SPOCK3: variants seen among roughly 807,000 people sequenced by gnomAD.
The protein encoded by SPOCK3 is SPARC (osteonectin), cwcv and kazal like domains proteoglycan 3, also known as testican-3.
SPOCK3 carries 30 observed loss-of-function variants against 56.6 expected under a neutral mutation model. The ratio of observed to expected loss-of-function variants is 0.53; its 90% CI spans 0.40 to 0.72. The LOEUF (loss-of-function observed/expected upper bound fraction) is 0.72, where lower values mean the gene tolerates loss of function less well. Among genes scored for constraint, SPOCK3 ranks in the 30% least tolerant of loss-of-function variants. SPOCK3 has a pLI of 0.00. For synonymous variants in SPOCK3, 196 were observed against 183.3 expected (o/e 1.07, Z -0.56); for missense variants, 527 against 530.0 (o/e 0.99, Z 0.06).
intron 6 of SPOCK3, among the ~76,000 whole-genome samples, chr4:166,859,878 A>C (rs2126903087): frequency 6.6e-6 from 1 of 152,268 alleles, no homozygotes; most frequent in East Asian, 1.9e-4. Context: ...ACAACAGCAG[A>C]AGTATCCTAT....
chr4:166,965,985 T>C (rs1454410546), intron 4 of SPOCK3, among the ~76,000 whole-genome samples: 1 of 152,104 alleles, frequency 6.6e-6, no homozygotes, highest in Non-Finnish European at 1.5e-5. Flanking sequence ...AAAAATCCTC[T>C]GTGCTCCACC....
intron 6 of SPOCK3, among the ~76,000 whole-genome samples, chr4:166,869,728 C>T (rs1012320851): frequency 2.6e-5 from 4 of 151,520 alleles, no homozygotes; most frequent in African/African-American, 9.7e-5. Context: ...CCTGAAGAAA[C>T]TGGAAAACAC....
rs151173212 is a variant in SPOCK3, at chr4:166,842,098, G to A, written c.589+47032C>T. Among the ~76,000 whole-genome samples, 209 of 152,284 alleles carry A rather than the reference G, an allele frequency of 1.4e-3. 4 individuals are homozygous for A. Among genetic ancestry groups the A allele is most frequent in the Admixed American group, 0.012 (187 of 15,302 alleles). The stretch of plus-strand genomic sequence containing the variant: ...TCCGGGTGGGTTTGTGGTCTCCCTG[G>A]CCTTAGGAGTGAAGCTGCAGACCTT... On this transcript the variant is annotated intron_variant, in intron 6 of 10. Coordinates refer to ENST00000357545, the MANE Select transcript of SPOCK3 (RefSeq NM_001040159.2).
chr4:167,230,645 T>C (rs1262627776), intron 2 of SPOCK3, among the ~76,000 whole-genome samples: 1 of 152,112 alleles, frequency 6.6e-6, no homozygotes, highest in African/African-American at 2.4e-5. Context: ...ACTGTACTTA[T>C]GTTTAAATGT....
chr4:166,769,989 T>A (rs571061446), intron 7 of SPOCK3, among the ~76,000 whole-genome samples: 1 of 152,170 alleles, frequency 6.6e-6, no homozygotes, highest in African/African-American at 2.4e-5. Context: ...CTCCGAGCCA[T>A]GCACGGGATA....
chr4:167,197,497 G>C (rs540799756), intron 2 of SPOCK3, among the ~76,000 whole-genome samples: 2 of 152,170 alleles, frequency 1.3e-5, no homozygotes, highest in South Asian at 4.1e-4. Context: ...GGAAATTTAA[G>C]TGTGAGAAAT....
intron 4 of SPOCK3, among the ~76,000 whole-genome samples, chr4:166,941,898 T>C (rs760889452): frequency 1.3e-5 from 2 of 152,110 alleles, no homozygotes; most frequent in South Asian, 4.1e-4. Context: ...TAGCCAAAGC[T>C]TGAAGACAAC....
intron 4 of SPOCK3, among the ~76,000 whole-genome samples, chr4:166,951,404 G>A (rs1214427187): frequency 7.1e-6 from 1 of 139,864 alleles, no homozygotes; most frequent in African/African-American, 3.0e-5. Flanking sequence ...TCTCTGAATA[G>A]ACCAATAACA....
chr4:166,770,505 G>A (rs1196628849), intron 7 of SPOCK3, among the ~76,000 whole-genome samples: 1 of 152,106 alleles, frequency 6.6e-6, no homozygotes, highest in African/African-American at 2.4e-5. Flanking sequence ...GAACATCTTT[G>A]AGAAGTCATT....
At chr4:167,193,832 A>C (rs1179274215) in intron 2 of SPOCK3, among the ~76,000 whole-genome samples, 1 of 143,380 alleles carries the variant, frequency 7.0e-6, no homozygotes, top group East Asian at 2.1e-4. Context: ...TTTGATTATA[A>C]CATATCTCAT....
intron 4 of SPOCK3, among the ~76,000 whole-genome samples, chr4:166,979,469 C>T (rs995109702): frequency 2.0e-5 from 3 of 152,030 alleles, no homozygotes; most frequent in African/African-American, 7.2e-5. Flanking sequence ...CCTATTTTCC[C>T]TTCACTCCTC....
chr4:166,990,399 T>TA (rs11389694), intron 4 of SPOCK3, among the ~76,000 whole-genome samples: 101,027 of 151,050 alleles, frequency 0.67, 35,707 homozygotes, highest in East Asian at 0.86. Context: ...ATAAAAAAAT[T>TA]AAAAAAAAAT....
intron 8 of SPOCK3, among the ~76,000 whole-genome samples, chr4:166,747,223 C>CA (rs1384684127): frequency 1.3e-5 from 2 of 152,066 alleles, no homozygotes; most frequent in Non-Finnish European, 2.9e-5. Context: ...AACATTGATG[C>CA]AAAAATCCTC....
intron 4 of SPOCK3, among the ~76,000 whole-genome samples, chr4:166,944,244 G>A (rs1166243950): frequency 6.6e-6 from 1 of 151,944 alleles, no homozygotes; most frequent in African/African-American, 2.4e-5. Flanking sequence ...TCAAAGGGAG[G>A]GGATTGTATA....
intron 2 of SPOCK3, among the ~76,000 whole-genome samples, chr4:167,128,232 C>T (rs548868279): frequency 4.6e-5 from 7 of 152,288 alleles, no homozygotes; most frequent in Admixed American, 1.3e-4. Context: ...CTCATTCATT[C>T]CTAAGCCCAA....
At chr4:166,770,330 A>T (rs2100537) in intron 7 of SPOCK3, among the ~76,000 whole-genome samples, 49,751 of 152,094 alleles carry the variant, frequency 0.33, 8,360 homozygotes, top group Admixed American at 0.41. Flanking sequence ...CTTGGAACCA[A>T]GCCCAAGATG....
chr4:167,213,595 A>G (rs1368973234), intron 2 of SPOCK3, among the ~76,000 whole-genome samples: 2 of 152,186 alleles, frequency 1.3e-5, no homozygotes, highest in Non-Finnish European at 2.9e-5. Flanking sequence ...CTAGAGTTTG[A>G]AACATAAACA....
At chr4:166,855,615 G>T (rs1022626381) in intron 6 of SPOCK3, among the ~76,000 whole-genome samples, 1 of 151,244 alleles carries the variant, frequency 6.6e-6, no homozygotes, top group Non-Finnish European at 1.5e-5. Flanking sequence ...AAAAAATGTG[G>T]TTCTTACTGT....
chr4:167,062,632 G>A (rs765692154), intron 2 of SPOCK3, 95 bp from the exon 3 acceptor site: 1 of 914,198 alleles, frequency 1.1e-6, no homozygotes, highest in Admixed American at 2.0e-5. Context: ...CACAGAAGCT[G>A]TATACAAACC....
Sources: gnomAD v4.1 joint callset for allele counts (sites outside exome capture counted in the v4.1 genomes callset) on GRCh38, gnomAD v4.1.1 for gene constraint, MANE v1.5 for transcripts, NCBI Gene and HGNC (gene_info 2026-07-23, HGNC 2026-07-21) for gene names.